The following ANKRD62 variants were observed in gnomAD, a reference collection of about 807,000 sequenced individuals.
ANKRD62 encodes the protein ankyrin repeat domain 62.
In ANKRD62, 61 loss-of-function variants were observed where a neutral mutation model predicts 98.8. The ratio of observed to expected loss-of-function variants is 0.62; its 90% CI spans 0.50 to 0.76. The LOEUF (loss-of-function observed/expected upper bound fraction) is 0.76, where lower values mean the gene tolerates loss of function less well. Among genes scored for constraint, ANKRD62 ranks in the 30% least tolerant of loss-of-function variants. The pLI, the probability that ANKRD62 is intolerant of heterozygous loss-of-function variation, is 0.00. For missense variants in ANKRD62, 933 were observed against 1,082.9 expected, an observed-to-expected ratio of 0.86 and a Z score of 1.94; for synonymous variants, 341 against 367.9, an observed-to-expected ratio of 0.93 and a Z score of 0.84.
At chr18:12,173,636 T>G in the ANKRD62 span, among the ~76,000 whole-genome samples, 1 of 152,218 alleles carries the variant, frequency 6.6e-6, no homozygotes, top group Non-Finnish European at 1.5e-5. Context: ...GGTAACAATC[T>G]TTTCATATTG....
At chr18:12,141,069 C>A in the ANKRD62 span, among the ~76,000 whole-genome samples, 2 of 152,350 alleles carry the variant, frequency 1.3e-5, no homozygotes, top group South Asian at 2.1e-4. Context: ...GCCCCTCCGC[C>A]AGCCTCGCTG....
downstream of ANKRD62, among the ~76,000 whole-genome samples, chr18:12,134,367 T>C (rs1359077372): frequency 6.6e-6 from 1 of 152,198 alleles, no homozygotes; most frequent in Non-Finnish European, 1.5e-5. Context: ...CTTTCTCATC[T>C]GTTTTCCCTT....
the ANKRD62 span, among the ~76,000 whole-genome samples, chr18:12,156,263 T>A: frequency 6.6e-6 from 1 of 152,204 alleles, no homozygotes; most frequent in Non-Finnish European, 1.5e-5. Flanking sequence ...CTTTTCTTTA[T>A]AAATTACCCA....
At chr18:12,160,570 G>A in the ANKRD62 span, among the ~76,000 whole-genome samples, 2 of 152,132 alleles carry the variant, frequency 1.3e-5, no homozygotes, top group Non-Finnish European at 2.9e-5. Flanking sequence ...GCCCTTTAGA[G>A]GTTCTGTAAC....
At chr18:12,166,494 T>C in the ANKRD62 span, among the ~76,000 whole-genome samples, 6 of 152,130 alleles carry the variant, frequency 3.9e-5, no homozygotes, top group Non-Finnish European at 7.4e-5. Flanking sequence ...TTAATATCAT[T>C]GTTAAATTTA....
the ANKRD62 span, among the ~76,000 whole-genome samples, chr18:12,175,636 CT>C: frequency 3.9e-5 from 6 of 152,012 alleles, no homozygotes; most frequent in Non-Finnish European, 8.8e-5. Context: ...TGACCCAAGG[CT>C]GCCCTGCAAG....
chr18:12,138,668 TGTGTGGGA>T, the ANKRD62 span, among the ~76,000 whole-genome samples: 2 of 152,206 alleles, frequency 1.3e-5, no homozygotes, highest in Non-Finnish European at 2.9e-5. Flanking sequence ...CTATTATTAA[TGTGTGGGA>T]GTCTAAGTCT....
At chr18:12,171,212 G>T in the ANKRD62 span, among the ~76,000 whole-genome samples, 10 of 147,460 alleles carry the variant, frequency 6.8e-5, no homozygotes, top group Admixed American at 6.7e-5. Flanking sequence ...CCCGTTAGTT[G>T]ATGCAGTTTC....
intron 10 of ANKRD62, among the ~76,000 whole-genome samples, chr18:12,117,880 A>T (rs1457326956): frequency 6.6e-6 from 1 of 152,220 alleles, no homozygotes; most frequent in African/African-American, 2.4e-5. Flanking sequence ...AAGTTATGAT[A>T]AAGTCTTTAT....
the ANKRD62 span, among the ~76,000 whole-genome samples, chr18:12,163,494 C>T: frequency 2.0e-5 from 3 of 152,070 alleles, no homozygotes; most frequent in African/African-American, 7.2e-5. Context: ...TTTGGATGCA[C>T]TTTATTTCTT....
chr18:12,174,927 C>T, the ANKRD62 span, among the ~76,000 whole-genome samples: 3 of 152,234 alleles, frequency 2.0e-5, no homozygotes, highest in African/African-American at 7.2e-5. Context: ...GTGGTGCCAG[C>T]CAAAGAGTTT....
At chr18:12,146,396 C>A in the ANKRD62 span, among the ~76,000 whole-genome samples, 1 of 152,044 alleles carries the variant, frequency 6.6e-6, no homozygotes, top group Non-Finnish European at 1.5e-5. Context: ...TGGAAGAGAC[C>A]CCCAGCACAG....
chr18:12,098,504 C>A (rs746656945), intron 5 of ANKRD62: 1 of 152,228 alleles, frequency 6.6e-6, no homozygotes, highest in Non-Finnish European at 1.5e-5. Context: ...AAGCATGTCA[C>A]ACTAATCTGT....
At chr18:12,141,756 C>T in the ANKRD62 span, among the ~76,000 whole-genome samples, 3 of 56,858 alleles carry the variant, frequency 5.3e-5, no homozygotes, top group Non-Finnish European at 1.1e-4. Context: ...AGAGTTCTCG[C>T]GTTGGTTCTT....
At chr18:12,125,224 G>T (rs1452950623) in intron 12 of ANKRD62, among the ~76,000 whole-genome samples, 1 of 151,672 alleles carries the variant, frequency 6.6e-6, no homozygotes, top group African/African-American at 2.4e-5. Flanking sequence ...ATTTCTAGTG[G>T]TTTCTTTTTT....
chr18:12,118,859 G>A (rs1339004765), intron 10 of ANKRD62, among the ~76,000 whole-genome samples: 1 of 151,898 alleles, frequency 6.6e-6, no homozygotes, highest in African/African-American at 2.4e-5. Flanking sequence ...TTTTTTATTG[G>A]TAATATCATT....
At chr18:12,149,785 TGA>T in the ANKRD62 span, among the ~76,000 whole-genome samples, 2 of 136,248 alleles carry the variant, frequency 1.5e-5, no homozygotes, top group Non-Finnish European at 3.1e-5. Context: ...AGAAGTCTAT[TGA>T]CTGTACTGAG....
At chr18:12,114,948 TAA>T in intron 8 of ANKRD62, 138 bp from the exon 9 acceptor site, 1 of 673,542 alleles carries the variant, frequency 1.5e-6, no homozygotes, top group Non-Finnish European at 2.1e-6. Context: ...GCATCACCTG[TAA>T]AAACATTACC....
At chr18:12,146,097 C>T in the ANKRD62 span, among the ~76,000 whole-genome samples, 2 of 152,086 alleles carry the variant, frequency 1.3e-5, no homozygotes, top group East Asian at 1.9e-4. Flanking sequence ...GGCCAACCTG[C>T]GGTAGAAGTG....
Sources: gnomAD v4.1 joint callset for allele counts (sites outside exome capture counted in the v4.1 genomes callset) on GRCh38, gnomAD v4.1.1 for gene constraint, MANE v1.5 for transcripts, NCBI Gene and HGNC (gene_info 2026-07-23, HGNC 2026-07-21) for gene names.